The following PCDH11X variants were observed in gnomAD, a reference collection of about 807,000 sequenced individuals.
PCDH11X encodes protocadherin 11 X-linked.
In PCDH11X, 18 loss-of-function variants were observed where a neutral mutation model predicts 53.3. The observed-to-expected ratio is 0.34, with a 90% CI of 0.23 to 0.50. PCDH11X has a LOEUF of 0.50. PCDH11X is among the 20% of genes least tolerant of loss of function. The pLI is 0.98. For missense variants in PCDH11X, 570 were observed against 1,032.4 expected (o/e 0.55, Z 6.14); for synonymous variants, 279 against 393.3 (o/e 0.71, Z 3.44).
chrX:91,983,951 C>T (rs372671971), intron 6 of PCDH11X, among the ~76,000 whole-genome samples: 7 of 110,815 alleles, frequency 6.3e-5, no homozygotes, highest in East Asian at 2.8e-4. Flanking sequence ...AAGTTACATT[C>T]GAAGTCTTTA....
chrX:92,336,433 T>C (rs1305268014), intron 8 of PCDH11X, among the ~76,000 whole-genome samples: 2 of 112,213 alleles, frequency 1.8e-5, no homozygotes, highest in Non-Finnish European at 3.8e-5. Context: ...AAACTGTTTA[T>C]TGCATATATG....
intron 7 of PCDH11X, among the ~76,000 whole-genome samples, chrX:92,206,371 G>C (rs1282352271): frequency 1.8e-5 from 2 of 111,282 alleles, no homozygotes; most frequent in African/African-American, 6.5e-5. Context: ...TCTGAAAATA[G>C]AGCCTAGTGG....
At chrX:92,268,184 A>T (rs2067874357) in intron 8 of PCDH11X, among the ~76,000 whole-genome samples, 1 of 112,345 alleles carries the variant, frequency 8.9e-6, no homozygotes, top group South Asian at 3.6e-4. Context: ...TTTTTGGACT[A>T]TTATGATCTA....
At position 92,294,223 on chromosome X, in the gene PCDH11X, C is replaced by A. The variant is rs780983104; in HGVS notation, c.3144+31080C>A. On this transcript the variant is annotated intron_variant, in intron 8 of 10. Coordinates refer to ENST00000682573, the MANE Select transcript of PCDH11X (RefSeq NM_032968.5). ...ATAGCATGATCTTGGCTCACTGCAA[C>A]TTCCACCTCCCAGGTTCAAGTGATT... Among the ~76,000 whole-genome samples, 182 of 110,546 alleles carry A rather than the reference C, an allele frequency of 1.6e-3. 1 individual carries two copies. The highest frequency in any genetic ancestry group is 5.9e-3 in the African/African-American group (178 of 30,181).
At chrX:92,156,538 T>G (rs2065539835) in intron 6 of PCDH11X, among the ~76,000 whole-genome samples, 1 of 111,744 alleles carries the variant, frequency 8.9e-6, no homozygotes, top group Admixed American at 9.6e-5. Flanking sequence ...CCATAGTATT[T>G]AATAATTTCT....
At chrX:91,804,392 G>C (rs1936030245) in intron 1 of PCDH11X, among the ~76,000 whole-genome samples, 1 of 105,755 alleles carries the variant, frequency 9.5e-6, no homozygotes, top group African/African-American at 3.4e-5. Flanking sequence ...TAATTAATTA[G>C]ATTAAAATTT....
chrX:92,016,198 T>A (rs1469288039), intron 6 of PCDH11X, among the ~76,000 whole-genome samples: 2 of 112,187 alleles, frequency 1.8e-5, no homozygotes, highest in Non-Finnish European at 3.8e-5. Flanking sequence ...CATCCAGGCT[T>A]TGTTGTTCCA....
intron 6 of PCDH11X, among the ~76,000 whole-genome samples, chrX:92,194,318 T>C: frequency 8.9e-6 from 1 of 111,964 alleles, no homozygotes; most frequent in East Asian, 2.8e-4. Flanking sequence ...CTGATAAGTT[T>C]TGATATTTAA....
At chrX:91,911,715 T>C (rs952365913) in intron 6 of PCDH11X, among the ~76,000 whole-genome samples, 3 of 110,911 alleles carry the variant, frequency 2.7e-5, no homozygotes, top group Non-Finnish European at 1.9e-5. Flanking sequence ...AGTGAGAACA[T>C]GTGAAGTTTG....
chrX:92,587,342 C>T (rs767939154), intron 10 of PCDH11X, among the ~76,000 whole-genome samples: 62 of 111,080 alleles, frequency 5.6e-4, no homozygotes, highest in Non-Finnish European at 1.1e-3. Flanking sequence ...AAATTGATAG[C>T]GATTAGAAAA....
At chrX:92,484,091 T>A (rs1236151743) in intron 10 of PCDH11X, among the ~76,000 whole-genome samples, 1 of 99,435 alleles carries the variant, frequency 1.0e-5, no homozygotes, top group Non-Finnish European at 2.0e-5. Flanking sequence ...AATCTCTGTG[T>A]GTGTGTGTGT....
intron 7 of PCDH11X, among the ~76,000 whole-genome samples, chrX:92,258,081 C>G (rs2067634130): frequency 1.8e-5 from 2 of 111,798 alleles, no homozygotes; most frequent in African/African-American, 6.5e-5. Context: ...GCAGGCTTAC[C>G]TCCATGTGGA....
chrX:92,459,774 T>A, intron 9 of PCDH11X: 1 of 1,173,855 alleles, frequency 8.5e-7, no homozygotes, highest in Admixed American at 2.2e-5. Flanking sequence ...CCAGCGTCTA[T>A]GCAGGCGCCG....
intron 6 of PCDH11X, among the ~76,000 whole-genome samples, chrX:92,143,880 G>A (rs1227862603): frequency 9.0e-6 from 1 of 111,430 alleles, no homozygotes; most frequent in Non-Finnish European, 1.9e-5. Flanking sequence ...CACAAGGGAG[G>A]CTGTACCTTG....
intron 7 of PCDH11X, among the ~76,000 whole-genome samples, chrX:92,216,317 G>A (rs994153651): frequency 5.5e-5 from 6 of 108,733 alleles, no homozygotes; most frequent in African/African-American, 1.3e-4. Flanking sequence ...AAATTTAGAC[G>A]AATGTATAAC....
chrX:92,267,519 G>C (rs1185918021), intron 8 of PCDH11X, among the ~76,000 whole-genome samples: 2 of 112,313 alleles, frequency 1.8e-5, no homozygotes, highest in Non-Finnish European at 3.8e-5. Flanking sequence ...GCTACATGAA[G>C]ATGAGGGGAG....
At chrX:92,211,144 A>G (rs2148335965) in intron 7 of PCDH11X, among the ~76,000 whole-genome samples, 1 of 112,054 alleles carries the variant, frequency 8.9e-6, no homozygotes, top group African/African-American at 3.2e-5. Context: ...GGTAATTTAT[A>G]AAGAAAAGAG....
At chrX:92,292,340 G>T (rs768266539) in intron 8 of PCDH11X, among the ~76,000 whole-genome samples, 93 of 112,035 alleles carry the variant, frequency 8.3e-4, no homozygotes, top group African/African-American at 2.9e-3. Context: ...TTTGCATGTT[G>T]CTGGAACATT....
intron 5 of PCDH11X, among the ~76,000 whole-genome samples, chrX:91,837,342 G>C (rs1033267710): frequency 8.9e-6 from 1 of 111,976 alleles, no homozygotes; most frequent in Non-Finnish European, 1.9e-5. Context: ...TGGTGGGAAT[G>C]TAAATTAGTA....
Sources: allele counts gnomAD v4.1 joint callset (sites outside exome capture counted in the v4.1 genomes callset), GRCh38; gene constraint gnomAD v4.1.1; transcripts MANE v1.5; gene names NCBI Gene and HGNC (gene_info 2026-07-23, HGNC 2026-07-21).